The following JADE1 variants were observed in gnomAD, a reference collection of about 807,000 sequenced individuals.
JADE1 encodes the protein protein Jade-1.
A neutral mutation model predicts 81.8 loss-of-function variants in JADE1; 14 were observed. The observed-to-expected ratio is 0.17, with a 90% CI of 0.11 to 0.27. JADE1 has a LOEUF of 0.27. Ranked by LOEUF, JADE1 falls within the 10% of genes least tolerant of loss-of-function variation. The pLI is 1.00. For missense variants in JADE1, 690 were observed against 1,047.9 expected (o/e 0.66, Z 4.71); for synonymous variants, 353 against 391.9 (o/e 0.90, Z 1.17).
At chr4:128,850,405 T>C (rs1181744909) in intron 5 of JADE1, among the ~76,000 whole-genome samples, 1 of 152,090 alleles carries the variant, frequency 6.6e-6, no homozygotes, top group East Asian at 1.9e-4. Context: ...GAACGTAGCA[T>C]AGGGTGTGGC....
chr4:128,858,184 G>A (rs922667849), intron 8 of JADE1, among the ~76,000 whole-genome samples: 1 of 152,202 alleles, frequency 6.6e-6, no homozygotes, highest in African/African-American at 2.4e-5. Context: ...GTACAGACAA[G>A]TATAGGATGT....
chr4:128,863,319 C>T (rs982191839), intron 9 of JADE1: 63 of 985,370 alleles, frequency 6.4e-5, no homozygotes, highest in African/African-American at 3.3e-4. Context: ...TGCTGGCTAC[C>T]GATTAAATTC....
chr4:128,850,240 G>T (rs1227619585), intron 5 of JADE1, among the ~76,000 whole-genome samples: 2 of 151,804 alleles, frequency 1.3e-5, no homozygotes, highest in South Asian at 4.2e-4. Flanking sequence ...GTCACTTGAG[G>T]GGGTGGAGGT....
At chr4:128,857,515 G>C in intron 8 of JADE1, 61 bp downstream of exon 8, 1 of 1,333,806 alleles carries the variant, frequency 7.5e-7, no homozygotes, top group East Asian at 2.3e-5. Context: ...AGCAGGATGA[G>C]GGAAGGCTCT....
intron 1 of JADE1, among the ~76,000 whole-genome samples, chr4:128,814,111 G>A (rs2125784414): frequency 6.6e-6 from 1 of 152,120 alleles, no homozygotes; most frequent in East Asian, 1.9e-4. Context: ...CTGTAAACCA[G>A]TGCTGTGCTT....
chr4:128,861,041 T>C (rs188414443), intron 8 of JADE1, among the ~76,000 whole-genome samples: 21 of 152,322 alleles, frequency 1.4e-4, no homozygotes, highest in Admixed American at 5.9e-4. Context: ...GCACTGTTCA[T>C]TTTCTCACTC....
chr4:128,821,179 A>T (rs1254804144), intron 1 of JADE1, among the ~76,000 whole-genome samples: 1 of 152,166 alleles, frequency 6.6e-6, no homozygotes, highest in Admixed American at 6.5e-5. Context: ...AAAAATAAAC[A>T]TTTCATTTTT....
intron 2 of JADE1, among the ~76,000 whole-genome samples, chr4:128,835,132 T>C (rs1728879363): frequency 6.6e-6 from 1 of 152,168 alleles, no homozygotes; most frequent in South Asian, 2.1e-4. Context: ...GGTAAATATT[T>C]ATAGGTTATC....
At chr4:128,868,699 A>AC (rs1731965476) in intron 10 of JADE1, among the ~76,000 whole-genome samples, 2 of 152,120 alleles carry the variant, frequency 1.3e-5, no homozygotes, top group Non-Finnish European at 2.9e-5. Context: ...TAGAATCAAG[A>AC]CCCCTTAAGT....
intron 4 of JADE1, among the ~76,000 whole-genome samples, chr4:128,847,561 C>T (rs1191289500): frequency 6.6e-6 from 1 of 152,176 alleles, no homozygotes; most frequent in African/African-American, 2.4e-5. Flanking sequence ...AGGTATCTGC[C>T]TCAGAGCCTG....
chr4:128,864,217 G>A (rs1731606907), intron 9 of JADE1: 5 of 705,060 alleles, frequency 7.1e-6, no homozygotes, highest in Non-Finnish European at 8.7e-6. Flanking sequence ...GCGTGATCTC[G>A]GCTCACTGCA....
At chr4:128,851,355 A>C (rs1730340340) in intron 5 of JADE1, among the ~76,000 whole-genome samples, 1 of 152,222 alleles carries the variant, frequency 6.6e-6, no homozygotes, top group African/African-American at 2.4e-5. Flanking sequence ...TTACCTACCA[A>C]GAAAGGCAAA....
chr4:128,827,383 G>T (rs1232610105), intron 1 of JADE1, among the ~76,000 whole-genome samples: 1 of 152,208 alleles, frequency 6.6e-6, no homozygotes, highest in Non-Finnish European at 1.5e-5. Flanking sequence ...GTGGTCAGTG[G>T]CTTTGAGCTG....
At chr4:128,836,902 T>TTA (rs1191957440) in intron 2 of JADE1, among the ~76,000 whole-genome samples, 1 of 152,032 alleles carries the variant, frequency 6.6e-6, no homozygotes, top group East Asian at 1.9e-4. Flanking sequence ...ATCAGCATCT[T>TTA]TATATATATG....
At chr4:128,813,482 G>A (rs1201512909) in intron 1 of JADE1, among the ~76,000 whole-genome samples, 5 of 143,656 alleles carry the variant, frequency 3.5e-5, no homozygotes, top group Admixed American at 7.1e-5. Flanking sequence ...GCAGTGGCAT[G>A]ATCTTAGCTC....
intron 3 of JADE1, among the ~76,000 whole-genome samples, chr4:128,845,316 G>A (rs1184397823): frequency 2.0e-5 from 3 of 152,188 alleles, no homozygotes; most frequent in Admixed American, 2.0e-4. Flanking sequence ...TTTGGCCTGT[G>A]ATAAGGAATT....
In JADE1 at chr4:128,823,482, T is replaced by A. The variant is rs904332054; in HGVS notation, c.-26-8251T>A. On this transcript the variant is annotated intron_variant, in intron 1 of 10. Coordinates refer to ENST00000226319, the MANE Select transcript of JADE1 (RefSeq NM_199320.4). ...GTAAATATTATAGTTATTTATTATG[T>A]GGTCAGTTATCATAATTTTTTTTCT... 3.3e-5 allele frequency among the ~76,000 whole-genome samples: 5 copies of A among 152,372 alleles called. No homozygotes were observed. In the South Asian group the frequency reaches 1.0e-3, roughly 32 times the overall value.
At chr4:128,844,037 C>G (rs1391416892) in intron 3 of JADE1, among the ~76,000 whole-genome samples, 2 of 152,214 alleles carry the variant, frequency 1.3e-5, no homozygotes, top group East Asian at 3.8e-4. Flanking sequence ...TACTTTATTT[C>G]AGGCCTTTTT....
In JADE1 at chr4:128,871,838, C is replaced by T. The variant is rs756055096; in HGVS notation, c.2105C>T (p.Thr702Ile). 5.0e-6 allele frequency: 8 copies of T among 1,614,050 alleles called. No homozygotes were observed. The highest frequency in any genetic ancestry group is 6.8e-6 in the Non-Finnish European group (8 of 1,179,948). ...CATCTGGACAACACAAGAGCTGCCA[C>T]CTCCCCTGGAGTGGGGCAGTCAGCA... ...QRHLDNTRAA[T>I]SPGVGQSAPG... Residue 702 changes from threonine (T) to isoleucine (I), a missense_variant, in exon 11 of 11, where the codon ACC becomes ATC. By Grantham distance (89) the Thr-to-Ile change is moderately conservative (BLOSUM62 -1). Coordinates refer to ENST00000226319, the MANE Select transcript of JADE1 (RefSeq NM_199320.4). This position sits in a 1 kb window ranked among gnomAD's most constrained non-coding sequence, Gnocchi z 4.1.
Sources: gnomAD v4.1 joint callset for allele counts (sites outside exome capture counted in the v4.1 genomes callset) on GRCh38, gnomAD v4.1.1 for gene constraint, Gnocchi (gnomAD v3.1) non-coding constraint, MANE v1.5 for transcripts, NCBI Gene and HGNC (gene_info 2026-07-23, HGNC 2026-07-21) for gene names.